The following CADPS variants were observed in gnomAD, a reference collection of about 807,000 sequenced individuals.
CADPS encodes the protein calcium dependent secretion activator.
CADPS carries 57 observed loss-of-function variants against 167.3 expected under a neutral mutation model. That is an observed-to-expected ratio of 0.34 (90% CI 0.28 to 0.42). The LOEUF is 0.42. Ranked by LOEUF, CADPS falls within the 20% of genes least tolerant of loss-of-function variation. The probability of loss-of-function intolerance (pLI) is 1.00; values close to 1 mark genes in which losing one functional copy is unlikely to be tolerated. For missense variants in CADPS, 1,414 were observed against 1,738.1 expected, an observed-to-expected ratio of 0.81 and a Z score of 3.32; for synonymous variants, 676 against 635.3, an observed-to-expected ratio of 1.06 and a Z score of -0.96.
chr3:62,448,646 C>T (rs1005627349), intron 26 of CADPS, among the ~76,000 whole-genome samples: 10 of 151,966 alleles, frequency 6.6e-5, no homozygotes, highest in African/African-American at 2.4e-4. Flanking sequence ...TGGAGTCTCA[C>T]TGTGTCACCC....
chr3:62,659,826 C>T (rs888522499), intron 4 of CADPS, among the ~76,000 whole-genome samples: 5 of 152,156 alleles, frequency 3.3e-5, no homozygotes, highest in Admixed American at 2.0e-4. Flanking sequence ...CTGGCATGAA[C>T]GAACATTGCA....
At chr3:62,714,629 G>C (rs1015336172) in intron 3 of CADPS, among the ~76,000 whole-genome samples, 1 of 152,132 alleles carries the variant, frequency 6.6e-6, no homozygotes, top group East Asian at 1.9e-4. Context: ...CACTTAGAAG[G>C]GCAGAAAAAG....
At chr3:62,764,202 C>T (rs894767743) in intron 2 of CADPS, among the ~76,000 whole-genome samples, 1 of 152,110 alleles carries the variant, frequency 6.6e-6, no homozygotes, top group Non-Finnish European at 1.5e-5. Context: ...AGAACTTGAA[C>T]AAAGAGGGAA....
At chr3:62,630,316 C>T (rs573722712) in intron 6 of CADPS, among the ~76,000 whole-genome samples, 16 of 152,114 alleles carry the variant, frequency 1.1e-4, no homozygotes, top group Admixed American at 3.3e-4. Context: ...TATTTGAATC[C>T]GAATCTGTAT....
At chr3:62,630,473 T>G (rs1187160032) in intron 6 of CADPS, among the ~76,000 whole-genome samples, 2 of 152,076 alleles carry the variant, frequency 1.3e-5, no homozygotes, top group African/African-American at 4.8e-5. Context: ...CTTAGCCTCC[T>G]GAGTAGCTGG....
intron 3 of CADPS, among the ~76,000 whole-genome samples, chr3:62,701,367 A>G (rs2081351243): frequency 6.6e-6 from 1 of 152,120 alleles, no homozygotes; most frequent in African/African-American, 2.4e-5. Flanking sequence ...CTTAAGGTAC[A>G]GGTATGAATG....
At chr3:62,690,988 A>T (rs2079004723) in intron 3 of CADPS, among the ~76,000 whole-genome samples, 1 of 152,120 alleles carries the variant, frequency 6.6e-6, no homozygotes, top group South Asian at 2.1e-4. Context: ...AATATTATTC[A>T]GCATGAAAAA....
chr3:62,532,815 C>T (rs1282878512), intron 13 of CADPS, 56 bp downstream of exon 13: 59 of 1,534,026 alleles, frequency 3.8e-5, no homozygotes, highest in Admixed American at 8.5e-5. Context: ...TAGCCATAAA[C>T]CATTGCCAGT....
chr3:62,853,935 G>T (rs910650201), intron 1 of CADPS, among the ~76,000 whole-genome samples: 1 of 152,182 alleles, frequency 6.6e-6, no homozygotes, highest in East Asian at 1.9e-4. Flanking sequence ...CAGCCTGGGC[G>T]ACAGACAGTA....
chr3:62,648,718 T>G (rs1448180042), intron 5 of CADPS, among the ~76,000 whole-genome samples: 1 of 49,842 alleles, frequency 2.0e-5, no homozygotes, highest in Non-Finnish European at 5.1e-5. Flanking sequence ...GGAAAGAAAA[T>G]TACAGATTTA....
intron 28 of CADPS, among the ~76,000 whole-genome samples, chr3:62,418,637 G>A (rs960879222): frequency 6.6e-6 from 1 of 151,392 alleles, no homozygotes; most frequent in Non-Finnish European, 1.5e-5. Context: ...CACCAAGCCC[G>A]GCTGATAAAT....
In CADPS at chr3:62,532,907, C is replaced by A; in HGVS notation, c.2255G>T (p.Ser752Ile). The A allele has an allele frequency of 6.2e-7, 1 of 1,613,650 alleles. No individual in the cohort carries two copies. The highest frequency in any genetic ancestry group is 8.5e-7 in the Non-Finnish European group (1 of 1,179,762). The change falls in exon 13 of 30, where the codon AGC becomes ATC. Residue 752 changes from serine to isoleucine, a missense_variant. By Grantham distance (142) the Ser-to-Ile change is moderately radical. Around this residue, in one of 6 missense-constraint regions of CADPS, gnomAD observed 529 missense variants for 629.6 expected, o/e 0.84. Coordinates refer to ENST00000383710, the MANE Select transcript of CADPS (RefSeq NM_003716.4). ...AMIDPTLLHY[S>I]FAFCASHVHG... ...GACATGGGATGCACAGAAGGCAAAG[C>A]TGTAGTGAAGAAGGGTGGGGTCGAT...
At chr3:62,650,338 T>C (rs1048579062) in intron 5 of CADPS, among the ~76,000 whole-genome samples, 1 of 152,152 alleles carries the variant, frequency 6.6e-6, no homozygotes, top group African/African-American at 2.4e-5. Context: ...AGAGAAATTA[T>C]AGAGAAACTT....
intron 9 of CADPS, among the ~76,000 whole-genome samples, chr3:62,569,723 C>T (rs1338685123): frequency 1.3e-5 from 2 of 152,158 alleles, no homozygotes; most frequent in African/African-American, 4.8e-5. Context: ...TCAAGTAACC[C>T]AGTAAGAACC....
chr3:62,705,430 C>T (rs942163568), intron 3 of CADPS, among the ~76,000 whole-genome samples: 1 of 152,058 alleles, frequency 6.6e-6, no homozygotes, highest in Non-Finnish European at 1.5e-5. Flanking sequence ...TGAGTGTCAA[C>T]TTGATTGGAC....
chr3:62,838,007 T>C (rs2076135301), intron 1 of CADPS, among the ~76,000 whole-genome samples: 1 of 152,168 alleles, frequency 6.6e-6, no homozygotes, highest in African/African-American at 2.4e-5. Flanking sequence ...TTTACATGAA[T>C]GGGTTAGCTT....
At chr3:62,404,424 A>G (rs945466915) in intron 28 of CADPS, 1 of 152,528 alleles carries the variant, frequency 6.6e-6, no homozygotes. Flanking sequence ...TATGCCTAAC[A>G]CTCACAGTTT....
At chr3:62,798,957 G>A (rs1361300340) in intron 1 of CADPS, among the ~76,000 whole-genome samples, 1 of 152,138 alleles carries the variant, frequency 6.6e-6, no homozygotes, top group Non-Finnish European at 1.5e-5. Context: ...AGTCTCTCTA[G>A]ACATCAGCAG....
intron 6 of CADPS, among the ~76,000 whole-genome samples, chr3:62,637,216 G>A (rs1212075127): frequency 6.6e-6 from 1 of 152,146 alleles, no homozygotes; most frequent in Non-Finnish European, 1.5e-5. Context: ...TAGGGAAACT[G>A]AGGCTTAATG....
Sources: allele counts gnomAD v4.1 joint callset (sites outside exome capture counted in the v4.1 genomes callset), GRCh38; gene constraint gnomAD v4.1.1; regional missense constraint gnomAD v4.1.1; transcripts MANE v1.5; gene names NCBI Gene and HGNC (gene_info 2026-07-23, HGNC 2026-07-21).